DDR2: variants seen among roughly 807,000 people sequenced by gnomAD.
The protein encoded by DDR2 is discoidin domain-containing receptor 2.
In DDR2, 27 loss-of-function variants were observed where a neutral mutation model predicts 94.9. That is an observed-to-expected ratio of 0.28 (90% CI 0.21 to 0.39). DDR2 has a LOEUF of 0.39. Ranked by LOEUF, DDR2 falls within the 10% of genes least tolerant of loss-of-function variation. DDR2 has a pLI of 1.00. For missense variants in DDR2, 783 were observed against 1,076.0 expected (o/e 0.73, Z 3.81); for synonymous variants, 382 against 377.2 (o/e 1.01, Z -0.15).
rs1661809149 is a variant in DDR2, at chr1:162,728,143, T to TATATAG, written c.82+9001_82+9002insTAGATA. 3.3e-4 allele frequency among the ~76,000 whole-genome samples: 47 copies of TATATAG among 140,602 alleles called. 2 individuals are homozygous for TATATAG. In the East Asian group the frequency reaches 4.6e-3, roughly 14 times the overall value. 92.2% of individuals were successfully genotyped at this position (140,602 alleles called of 152,430 possible). ...TATAATCACACTATATATATCTATA[T>TATATAG]ATAGATATATCTATATAAATATATA... On this transcript the variant is annotated intron_variant, in intron 3 of 17. Coordinates refer to ENST00000367921, the MANE Select transcript of DDR2 (RefSeq NM_006182.4).
intron 2 of DDR2, among the ~76,000 whole-genome samples, chr1:162,705,712 G>A (rs1660630611): frequency 6.6e-6 from 1 of 152,172 alleles, no homozygotes; most frequent in African/African-American, 2.4e-5. Flanking sequence ...AGGCCCTGGG[G>A]TGATGAGTGG....
Position 162,770,433 on chromosome 1 carries a change from T to G in DDR2, c.1425T>G (p.Phe475Leu), listed in dbSNP as rs1489537245. 6.2e-7 allele frequency: 1 copy of G among 1,614,022 alleles called. No individual in the cohort carries two copies. ...QGSNSTYDRIFPLRPDYQEPS... is the reference protein window; with the variant it reads ...QGSNSTYDRILPLRPDYQEPS... ...CCAACTCGACTTACGATCGCATCTT[T>G]CCCCTTCGCCCTGACTACCAGGAGC... is the stretch of plus-strand genomic sequence containing the variant. Residue 475 changes from phenylalanine to leucine, a missense_variant, in exon 12 of 18, where the codon TTT becomes TTG. Phe to Leu is a conservative substitution (Grantham distance 22, BLOSUM62 0). Around this residue, in one of 2 missense-constraint regions of DDR2, gnomAD observed 519 missense variants for 647.9 expected, o/e 0.80. Transcript: ENST00000367921.
intron 8 of DDR2, among the ~76,000 whole-genome samples, chr1:162,760,950 C>T (rs929302666): frequency 1.3e-5 from 2 of 151,456 alleles, no homozygotes; most frequent in Middle Eastern, 3.4e-3. Flanking sequence ...TGTGTATTCT[C>T]ATTTAGAAAT....
Position 162,776,327 on chromosome 1 carries a change from C to T in DDR2, c.2240C>T (p.Ala747Val), listed in dbSNP as rs2102199781. 1 of 1,614,028 alleles carries T rather than the reference C, an allele frequency of 6.2e-7. No individual in the cohort carries two copies. Among genetic ancestry groups the T allele is most frequent in the South Asian group, 1.1e-5 (1 of 91,070 alleles). ...SGDYYRIQGR[A>V]VLPIRWMSWE... ...GACTATTACCGGATCCAGGGCCGGG[C>T]AGTGCTCCCTATCCGCTGGATGTCT... The change falls in exon 16 of 18, where the codon GCA (alanine) becomes GTA (valine). Residue 747 changes from alanine (A) to valine (V), a missense_variant. Around this residue, in one of 2 missense-constraint regions of DDR2, gnomAD observed 264 missense variants for 428.2 expected, o/e 0.62. Coordinates refer to ENST00000367921, the MANE Select transcript of DDR2 (RefSeq NM_006182.4).
intron 2 of DDR2, among the ~76,000 whole-genome samples, chr1:162,710,645 T>C (rs906556783): frequency 6.6e-6 from 1 of 152,214 alleles, no homozygotes; most frequent in South Asian, 2.1e-4. Flanking sequence ...AAAAACAAGA[T>C]TTAAATGCCC....
chr1:162,728,769 G>A (rs1661850568), intron 3 of DDR2, among the ~76,000 whole-genome samples: 2 of 152,128 alleles, frequency 1.3e-5, no homozygotes, highest in South Asian at 4.1e-4. Context: ...AACAGGGTGT[G>A]TGTGCTGGTA....
At chr1:162,699,871 A>C (rs1660351633) in intron 2 of DDR2, among the ~76,000 whole-genome samples, 1 of 152,216 alleles carries the variant, frequency 6.6e-6, no homozygotes, top group African/African-American at 2.4e-5. Flanking sequence ...TTTTGGATTC[A>C]CAAATAAATA....
chr1:162,729,184 T>C (rs1486802257), intron 3 of DDR2, among the ~76,000 whole-genome samples: 1 of 150,512 alleles, frequency 6.6e-6, no homozygotes, highest in African/African-American at 2.4e-5. Context: ...CCGACTCAAG[T>C]TGCTTTTGGG....
At chr1:162,701,441 A>T (rs941866658) in intron 2 of DDR2, among the ~76,000 whole-genome samples, 1 of 152,246 alleles carries the variant, frequency 6.6e-6, no homozygotes, top group Admixed American at 6.5e-5. Context: ...TCTTGGCCAT[A>T]AACTATTGCT....
intron 10 of DDR2, 85 bp from the exon 11 acceptor site, chr1:162,767,141 TCTA>T (rs1664036199): frequency 2.5e-6 from 4 of 1,576,948 alleles, no homozygotes; most frequent in Non-Finnish European, 3.5e-6. Flanking sequence ...AGGAACAGGG[TCTA>T]CCTCCATGTT....
At chr1:162,673,062 T>TA (rs1658945846) in intron 2 of DDR2, among the ~76,000 whole-genome samples, 2 of 152,278 alleles carry the variant, frequency 1.3e-5, no homozygotes, top group African/African-American at 4.8e-5. Context: ...TTATGGGCTC[T>TA]AATTGCCCAT....
intron 2 of DDR2, among the ~76,000 whole-genome samples, chr1:162,669,275 T>G (rs1467800590): frequency 1.3e-5 from 2 of 152,236 alleles, no homozygotes; most frequent in African/African-American, 4.8e-5. Context: ...TCACAAAAAT[T>G]CACCAACCGG....
intron 3 of DDR2, among the ~76,000 whole-genome samples, chr1:162,727,529 T>A (rs946487906): frequency 6.9e-6 from 1 of 145,802 alleles, no homozygotes; most frequent in African/African-American, 2.5e-5. Flanking sequence ...AATAAATAAA[T>A]AAAAATAAAA....
chr1:162,731,924 G>T (rs1295200799), intron 3 of DDR2, among the ~76,000 whole-genome samples: 1 of 152,114 alleles, frequency 6.6e-6, no homozygotes, highest in Admixed American at 6.6e-5. Context: ...CTTCACTCCT[G>T]ATCTGCATAG....
chr1:162,755,046 AT>A, intron 5 of DDR2, 109 bp from the exon 6 acceptor site: 6 of 1,525,948 alleles, frequency 3.9e-6, no homozygotes, highest in Non-Finnish European at 5.4e-6. Context: ...GAGTAGATGC[AT>A]TCTGCTCCTC....
chr1:162,747,154 G>A (rs750828909), intron 3 of DDR2, among the ~76,000 whole-genome samples: 42 of 152,166 alleles, frequency 2.8e-4, no homozygotes, highest in Non-Finnish European at 4.4e-5. Context: ...AACAAGGATG[G>A]ACGGAGAATG....
intron 1 of DDR2, among the ~76,000 whole-genome samples, chr1:162,653,875 G>T (rs1227690070): frequency 6.6e-6 from 1 of 152,182 alleles, no homozygotes; most frequent in Non-Finnish European, 1.5e-5. Context: ...GTGCTGAGAT[G>T]TGTAGCATTT....
chr1:162,646,828 G>A (rs1225869189), intron 1 of DDR2, among the ~76,000 whole-genome samples: 1 of 152,152 alleles, frequency 6.6e-6, no homozygotes, highest in African/African-American at 2.4e-5. Flanking sequence ...ATGTCCAGGG[G>A]GCCTGAATCT....
intron 2 of DDR2, among the ~76,000 whole-genome samples, chr1:162,656,609 C>T (rs1441653881): frequency 6.6e-6 from 1 of 151,854 alleles, no homozygotes; most frequent in Admixed American, 6.6e-5. Flanking sequence ...TCTTTTCCTT[C>T]CTTATGATAG....
Sources: allele counts gnomAD v4.1 joint callset (sites outside exome capture counted in the v4.1 genomes callset), GRCh38; gene constraint gnomAD v4.1.1; regional missense constraint gnomAD v4.1.1; transcripts MANE v1.5; gene names NCBI Gene and HGNC (gene_info 2026-07-23, HGNC 2026-07-21).